DENND4A: variants seen among roughly 807,000 people sequenced by gnomAD.
DENND4A encodes the protein C-myc promoter-binding protein.
Under a neutral mutation model 199.3 loss-of-function variants are expected in DENND4A, and 70 were observed. The ratio of observed to expected loss-of-function variants is 0.35; its 90% CI spans 0.29 to 0.43. DENND4A has a LOEUF of 0.43. Ranked by LOEUF, DENND4A falls within the 20% of genes least tolerant of loss-of-function variation. DENND4A has a pLI of 1.00. For synonymous variants in DENND4A, 686 were observed against 766.9 expected, an observed-to-expected ratio of 0.89 and a Z score of 1.74; for missense variants, 1,723 against 2,255.8, an observed-to-expected ratio of 0.76 and a Z score of 4.78.
Position 65,792,104 on chromosome 15 carries a change from C to G in DENND4A, c.-196G>C, listed in dbSNP as rs1301567699. 1 of 152,680 alleles carries G rather than the reference C, an allele frequency of 6.5e-6. No homozygotes were observed. The highest frequency in any genetic ancestry group is 2.4e-5 in the African/African-American group (1 of 41,452). 9.5% of individuals were successfully genotyped at this position (152,680 alleles called of 1,614,324 possible). On this transcript the variant is annotated 5_prime_UTR_variant, in exon 1 of 33. Coordinates refer to ENST00000443035, the MANE Select transcript of DENND4A (RefSeq NM_001320835.1). The stretch of plus-strand genomic sequence containing the variant: ...TAGCGGAACACGAGGGGCTGAATGC[C>G]GCGGCGCTCTGAGCCCGCTTAGCTC...
chr15:65,733,008 G>A (rs932131516), intron 7 of DENND4A, among the ~76,000 whole-genome samples, 190 bp from the exon 8 acceptor site: 3 of 152,136 alleles, frequency 2.0e-5, no homozygotes, highest in African/African-American at 7.2e-5. Context: ...CCTAAACCCA[G>A]TGACTTTTCA....
At chr15:65,726,907 G>T (rs1302458019) in intron 11 of DENND4A, among the ~76,000 whole-genome samples, 1 of 152,092 alleles carries the variant, frequency 6.6e-6, no homozygotes, top group Non-Finnish European at 1.5e-5. Context: ...AGTGAGCTGA[G>T]ATTACACCAC....
chr15:65,673,315 A>C (rs2076273840), intron 24 of DENND4A, among the ~76,000 whole-genome samples: 1 of 151,924 alleles, frequency 6.6e-6, no homozygotes, highest in African/African-American at 2.4e-5. Context: ...CAAAAAATAC[A>C]AAAAAAGTAG....
intron 12 of DENND4A, among the ~76,000 whole-genome samples, chr15:65,719,984 A>G (rs1326570155): frequency 6.6e-6 from 1 of 152,246 alleles, no homozygotes; most frequent in South Asian, 2.1e-4. Flanking sequence ...AATGGTAAGT[A>G]TAATCTTCAA....
chr15:65,673,955 T>C (rs963395698), intron 24 of DENND4A, among the ~76,000 whole-genome samples: 3 of 152,156 alleles, frequency 2.0e-5, no homozygotes, highest in Non-Finnish European at 4.4e-5. Context: ...TTTAGTGTTA[T>C]TTGCTTAGAC....
rs1399829599 is a variant in DENND4A at position 65,706,115 on chromosome 15, C to G, written c.2063G>C (p.Gly688Ala). 6.2e-7 allele frequency: 1 copy of G among 1,603,878 alleles called. No individual in the cohort carries two copies. The highest frequency in any genetic ancestry group is 1.7e-5 in the Admixed American group (1 of 58,466). Residue 688 changes from glycine (G) to alanine (A), a missense_variant, in exon 15 of 33, where the codon GGT (glycine) becomes GCT (alanine). By Grantham distance (60) the Gly-to-Ala change is moderately conservative (BLOSUM62 0). This residue lies in a region of DENND4A where 725 missense variants were observed against 952.9 expected (regional missense o/e 0.76). Coordinates refer to ENST00000443035, the MANE Select transcript of DENND4A (RefSeq NM_001320835.1). ...TPPEIPHLPN[G>A]EEPPLQYSYN... ...CCTGTACTGTAAAGGGGGTTCTTCA[C>G]CATTGGGTAGGTGGGGGATCTCAGG...
intron 4 of DENND4A, among the ~76,000 whole-genome samples, chr15:65,742,428 C>T (rs894162654): frequency 6.6e-6 from 1 of 151,428 alleles, no homozygotes; most frequent in African/African-American, 2.4e-5. Flanking sequence ...GGATTACAGG[C>T]ACGTGCCACC....
At chr15:65,719,087 A>G (rs2075519238) in intron 12 of DENND4A, among the ~76,000 whole-genome samples, 1 of 151,628 alleles carries the variant, frequency 6.6e-6, no homozygotes, top group African/African-American at 2.4e-5. Flanking sequence ...GCCACTTTGC[A>G]TGTTATGTGC....
intron 9 of DENND4A, among the ~76,000 whole-genome samples, 198 bp from the exon 10 acceptor site, chr15:65,729,876 A>T (rs1162039167): frequency 6.6e-6 from 1 of 152,192 alleles, no homozygotes; most frequent in African/African-American, 2.4e-5. Context: ...CAAACACACT[A>T]TGAAAACAAT....
chr15:65,746,606 G>A (rs868377934), intron 4 of DENND4A, among the ~76,000 whole-genome samples: 1 of 150,866 alleles, frequency 6.6e-6, no homozygotes, highest in Admixed American at 6.6e-5. Flanking sequence ...GGCTGGTCAC[G>A]AACTCCTGAC....
At chr15:65,693,967 A>C (rs2077056980) in intron 22 of DENND4A, among the ~76,000 whole-genome samples, 1 of 152,090 alleles carries the variant, frequency 6.6e-6, no homozygotes, top group Non-Finnish European at 1.5e-5. Context: ...AACTGCAGCC[A>C]ACAAACCAAC....
intron 1 of DENND4A, among the ~76,000 whole-genome samples, chr15:65,783,915 T>C (rs1450048780): frequency 6.6e-6 from 1 of 152,030 alleles, no homozygotes; most frequent in African/African-American, 2.4e-5. Context: ...ACCTACTGAG[T>C]GTGGTCTACA....
chr15:65,774,878 T>C (rs2077238073), intron 1 of DENND4A, among the ~76,000 whole-genome samples: 1 of 148,914 alleles, frequency 6.7e-6, no homozygotes, highest in African/African-American at 2.5e-5. Flanking sequence ...CTTTTTTTTT[T>C]TTTTTTTTTG....
In DENND4A at chr15:65,717,848, T is replaced by C. The variant is rs1210871290; in HGVS notation, c.1737A>G (p.Ser579=). The C allele has an allele frequency of 6.2e-7, 1 of 1,604,894 alleles. No homozygotes were observed. The highest frequency in any genetic ancestry group is 8.5e-7 in the Non-Finnish European group (1 of 1,175,108). ...FMASILKGYR[S]YLRPITQAPS... is the part of the protein sequence containing the mutation. ...GGGCTTGTGTTATTGGCCTTAAGTATGATCTGTAACCTTTTAAAATAGAGG... is the reference window on the plus strand; with the variant it reads ...GGGCTTGTGTTATTGGCCTTAAGTACGATCTGTAACCTTTTAAAATAGAGG... The change falls in exon 13 of 33, where the codon TCA becomes TCG. Residue 579 remains serine (S), a synonymous_variant. Coordinates refer to ENST00000443035, the MANE Select transcript of DENND4A (RefSeq NM_001320835.1).
chr15:65,702,382 A>T lies in DENND4A; in HGVS notation c.2353T>A (p.Ser785Thr), dbSNP rs755958545. ...GCTGTTTTCAGAGCCCTGACTTTTGAATGACAGACTTTCACATAAGCTGGG... is the reference window on the plus strand; with the variant it reads ...GCTGTTTTCAGAGCCCTGACTTTTGTATGACAGACTTTCACATAAGCTGGG... Reference protein sequence around the residue: ...CLPAYVKVCHSKVRALKTAYD... With the variant: ...CLPAYVKVCHTKVRALKTAYD... Residue 785 changes from serine to threonine, a missense_variant, in exon 17 of 33, where the codon TCA becomes ACA. Transcript: ENST00000443035. 2 of 1,558,634 alleles carry T rather than the reference A, an allele frequency of 1.3e-6. No homozygotes were observed. The highest frequency in any genetic ancestry group is 1.7e-6 in the Non-Finnish European group (2 of 1,150,892).
chr15:65,748,132 C>T (rs2076461077), intron 4 of DENND4A, among the ~76,000 whole-genome samples: 1 of 149,812 alleles, frequency 6.7e-6, no homozygotes, highest in Admixed American at 6.6e-5. Flanking sequence ...AGTCAACTTC[C>T]ATAAAAACTT....
chr15:65,659,311 G>A lies in DENND4A; in HGVS notation c.*2540C>T, dbSNP rs140297529. On this transcript the variant is annotated 3_prime_UTR_variant, in exon 33 of 33. Transcript: ENST00000443035. ...TTGTATAGAGTTATTTTAAATGATT[G>A]ATATTTTCTGGTTTTTTTTTTTTTT... The A allele has an allele frequency of 8.8e-4, 91 of 103,234 alleles. No homozygotes were observed. Among genetic ancestry groups the A allele is most frequent in the African/African-American group, 3.1e-3 (89 of 28,900 alleles). The allele number at this position is 103,234 out of a possible 1,614,324, so 6.4% of individuals were successfully genotyped here.
chr15:65,772,010 G>T, intron 1 of DENND4A: 2 of 1,435,504 alleles, frequency 1.4e-6, no homozygotes, highest in Non-Finnish European at 9.7e-7. Flanking sequence ...TTGTTTATGC[G>T]CAGGCCAAGG....
intron 27 of DENND4A, 74 bp downstream of exon 27, chr15:65,669,705 A>C: frequency 1.5e-6 from 2 of 1,323,050 alleles, no homozygotes; most frequent in East Asian, 2.6e-5. Context: ...ATGGTCAACT[A>C]ATTTTTCTGT....
Sources: gnomAD v4.1 joint callset for allele counts (sites outside exome capture counted in the v4.1 genomes callset) on GRCh38, gnomAD v4.1.1 for gene constraint, gnomAD v4.1.1 regional missense constraint, MANE v1.5 for transcripts, NCBI Gene and HGNC (gene_info 2026-07-23, HGNC 2026-07-21) for gene names.